WDR59: variants seen among roughly 807,000 people sequenced by gnomAD.
WDR59 encodes the protein WD repeat domain 59.
A neutral mutation model predicts 131.2 loss-of-function variants in WDR59; 100 were observed. That is an observed-to-expected ratio of 0.76 (90% confidence interval 0.65 to 0.90). The LOEUF (loss-of-function observed/expected upper bound fraction) is 0.90, where lower values mean the gene tolerates loss of function less well. WDR59 is among the 40% of genes least tolerant of loss of function. WDR59 has a pLI of 0.00. For synonymous variants in WDR59, 601 were observed against 466.2 expected (o/e 1.29, Z -3.72); for missense variants, 1,203 against 1,262.2 (o/e 0.95, Z 0.71).
intron 6 of WDR59, among the ~76,000 whole-genome samples, chr16:74,943,679 CAT>C (rs1437846554): frequency 1.2e-4 from 19 of 152,286 alleles, no homozygotes; most frequent in Non-Finnish European, 2.8e-4. Flanking sequence ...TCACAGCACA[CAT>C]GACATTACTG....
intron 2 of WDR59, among the ~76,000 whole-genome samples, chr16:74,958,337 C>T (rs958390806): frequency 2.6e-5 from 4 of 151,958 alleles, no homozygotes; most frequent in Non-Finnish European, 5.9e-5. Flanking sequence ...CAACTCTATT[C>T]CCAGCACTTT....
rs778883007 is a variant in WDR59, at chr16:74,960,100, C to T, written c.105-3490G>A. ...ATCCTAGCACTTTGGGAGGCCGAGG[C>T]GGGTAGACTGCCTGAGCTCAGGGGC... On this transcript the variant is annotated intron_variant, in intron 2 of 25. Coordinates refer to ENST00000262144, the MANE Select transcript of WDR59 (RefSeq NM_030581.4). Among the ~76,000 whole-genome samples the T allele has an allele frequency of 1.4e-3, 209 of 151,228 alleles. 1 individual carries two copies. The highest frequency in any genetic ancestry group is 2.4e-3 in the Non-Finnish European group (163 of 67,624).
chr16:74,893,779 A>C lies in WDR59; in HGVS notation c.1900T>G (p.Ser634Ala). The C allele has an allele frequency of 6.2e-7, 1 of 1,614,158 alleles. No homozygotes were observed. Among genetic ancestry groups the C allele is most frequent in the Non-Finnish European group, 8.5e-7 (1 of 1,180,016 alleles). The change falls in exon 19 of 26, where the codon TCA (serine) becomes GCA (alanine). Residue 634 changes from serine (S) to alanine (A), a missense_variant. Ser to Ala is a moderately conservative substitution (Grantham distance 99). Transcript: ENST00000262144. ...SRRWKSKREG[S>A]DSGNRQIKAA... Reference sequence around the variant, plus strand: ...TTGATCTGTCGATTGCCAGAGTCTGATCCCTCACGCTTACTTTTCCATCGT... The same window carrying C: ...TTGATCTGTCGATTGCCAGAGTCTGCTCCCTCACGCTTACTTTTCCATCGT...
chr16:74,948,401 G>A, intron 6 of WDR59, 118 bp downstream of exon 6: 1 of 992,420 alleles, frequency 1.0e-6, no homozygotes, highest in Admixed American at 1.9e-5. Flanking sequence ...GCGCAGCCCA[G>A]ACAGAGGCAG....
At position 74,912,348 on chromosome 16, in the gene WDR59, G is replaced by A. The variant is rs1966139554; in HGVS notation, c.1239C>T (p.Asp413=). The A allele has an allele frequency of 1.2e-6, 2 of 1,613,126 alleles. No individual in the cohort carries two copies. Among genetic ancestry groups the A allele is most frequent in the East Asian group, 2.2e-5 (1 of 44,862 alleles). ...AGTGCACAGACACTGTGCAGCTCCT[G>A]TCTGCCGCATCCATCTGCAAGAGAC... ...RNVNVEMDAA[D]RSCTVSVHCS... Residue 413 remains aspartate (D), a synonymous_variant, in exon 14 of 26, where the codon GAC becomes GAT. Coordinates refer to ENST00000262144, the MANE Select transcript of WDR59 (RefSeq NM_030581.4).
chr16:74,939,544 T>TA (rs533775745), intron 7 of WDR59, among the ~76,000 whole-genome samples: 2,384 of 146,150 alleles, frequency 0.016, 24 homozygotes, highest in South Asian at 0.031. Flanking sequence ...AAACTAAGTT[T>TA]AAAAAAAAAA....
At chr16:74,976,008 A>T (rs1489140916) in intron 1 of WDR59, among the ~76,000 whole-genome samples, 2 of 152,116 alleles carry the variant, frequency 1.3e-5, no homozygotes, top group African/African-American at 4.8e-5. Context: ...CACATATATA[A>T]ATTTATTTAA....
intron 8 of WDR59, among the ~76,000 whole-genome samples, chr16:74,934,321 A>G (rs2031630368): frequency 6.6e-6 from 1 of 152,124 alleles, no homozygotes; most frequent in Admixed American, 6.6e-5. Flanking sequence ...TTTTTTAAGA[A>G]AAAAAGAAAG....
intron 8 of WDR59, among the ~76,000 whole-genome samples, chr16:74,936,173 T>G (rs917241495): frequency 3.9e-5 from 6 of 152,078 alleles, no homozygotes; most frequent in African/African-American, 1.4e-4. Context: ...TGAGCCACCA[T>G]GCCCGACCAC....
Position 74,980,137 on chromosome 16 carries a change from G to A in WDR59, c.54+4827C>T, listed in dbSNP as rs556358098. On this transcript the variant is annotated intron_variant, in intron 1 of 25. Coordinates refer to ENST00000262144, the MANE Select transcript of WDR59 (RefSeq NM_030581.4). ...GCCTCCCAAAGTGCTGGAGTTATAC[G>A]CGTGAGCCACCATGCCTGGCCTAAG... Among the ~76,000 whole-genome samples the A allele has an allele frequency of 1.1e-4, 17 of 151,924 alleles. No individual in the cohort carries two copies. The South Asian group carries it at 1.5e-3, about 13-fold the overall frequency.
chr16:74,952,740 C>T (rs973421498), intron 3 of WDR59, among the ~76,000 whole-genome samples: 4 of 150,768 alleles, frequency 2.7e-5, no homozygotes, highest in East Asian at 1.9e-4. Flanking sequence ...CTGAAAACAA[C>T]GGCAGGCTAC....
chr16:74,912,466 G>A, intron 13 of WDR59, 104 bp from the exon 14 acceptor site: 10 of 1,220,328 alleles, frequency 8.2e-6, no homozygotes, highest in South Asian at 3.3e-5. Context: ...ATTGAATGAA[G>A]GGAAAGAGTC....
chr16:74,876,087 C>A (rs918208962), intron 25 of WDR59, among the ~76,000 whole-genome samples: 3 of 152,140 alleles, frequency 2.0e-5, no homozygotes, highest in Admixed American at 2.0e-4. Flanking sequence ...TTCCCTCTTA[C>A]AACAGAGGGA....
intron 8 of WDR59, among the ~76,000 whole-genome samples, chr16:74,931,432 C>G (rs1187442448): frequency 6.6e-6 from 1 of 152,092 alleles, no homozygotes; most frequent in African/African-American, 2.4e-5. Flanking sequence ...ACCTCTTGGG[C>G]TTGAGCTATT....
chr16:74,920,759 AG>A (rs1362941837), intron 10 of WDR59, among the ~76,000 whole-genome samples: 2 of 152,234 alleles, frequency 1.3e-5, no homozygotes, highest in Admixed American at 1.3e-4. Flanking sequence ...CCCCATCATA[AG>A]GAACACCTGC....
At chr16:74,899,553 C>A in intron 18 of WDR59, 2 of 539,008 alleles carry the variant, frequency 3.7e-6, no homozygotes, top group Non-Finnish European at 5.9e-6. Context: ...TGAACTCCCC[C>A]AAGCAAAAAA....
chr16:74,887,678 C>A lies in WDR59; in HGVS notation c.2419+5G>T. ...CAGCGTGGGCTAAGTCATTTCCATACAAACCTATGTTCCAGCCGCCAGTGT... is the reference window on the plus strand; with the variant it reads ...CAGCGTGGGCTAAGTCATTTCCATAAAAACCTATGTTCCAGCCGCCAGTGT... On this transcript the variant is annotated splice_donor_5th_base_variant and intron_variant, in intron 23 of 25. Coordinates refer to ENST00000262144, the MANE Select transcript of WDR59 (RefSeq NM_030581.4). The A allele has an allele frequency of 6.2e-7, 1 of 1,614,060 alleles. No homozygotes were observed. The highest frequency in any genetic ancestry group is 1.1e-5 in the South Asian group (1 of 91,080).
intron 1 of WDR59, among the ~76,000 whole-genome samples, chr16:74,981,637 T>TAC (rs2034417296): frequency 6.3e-5 from 2 of 31,498 alleles, no homozygotes; most frequent in African/African-American, 2.5e-4. Flanking sequence ...TATATATATA[T>TAC]ATATATATAT....
At chr16:74,895,788 C>A (rs1965270396) in intron 18 of WDR59, among the ~76,000 whole-genome samples, 1 of 152,136 alleles carries the variant, frequency 6.6e-6, no homozygotes, top group South Asian at 2.1e-4. Flanking sequence ...CGTTAAAGAG[C>A]AAATAACCTG....
Sources: allele counts gnomAD v4.1 joint callset (sites outside exome capture counted in the v4.1 genomes callset), GRCh38; gene constraint gnomAD v4.1.1; transcripts MANE v1.5; gene names NCBI Gene and HGNC (gene_info 2026-07-23, HGNC 2026-07-21).